Variants in TRAPPC8 observed in about 807,000 individuals in gnomAD.
TRAPPC8 encodes trafficking protein particle complex subunit 8.
Under a neutral mutation model 174.3 loss-of-function variants are expected in TRAPPC8, and 54 were observed. That is an observed-to-expected ratio of 0.31 (90% CI 0.25 to 0.39). TRAPPC8 has a LOEUF of 0.39. Ranked by LOEUF, TRAPPC8 falls within the 10% of genes least tolerant of loss-of-function variation. The probability of loss-of-function intolerance (pLI) is 1.00; values close to 1 mark genes in which losing one functional copy is unlikely to be tolerated. For missense variants in TRAPPC8, 1,531 were observed against 1,699.1 expected (o/e 0.90, Z 1.74); for synonymous variants, 630 against 579.9 (o/e 1.09, Z -1.24).
chr18:31,936,594 T>A lies in TRAPPC8; in HGVS notation c.158-5071A>T, dbSNP rs546720570. Among the ~76,000 whole-genome samples, 4 of 152,058 alleles carry A rather than the reference T, an allele frequency of 2.6e-5. No individual in the cohort carries two copies. In the South Asian group the frequency reaches 8.3e-4, roughly 32 times the overall value. The stretch of plus-strand genomic sequence containing the variant: ...AACATGGTAGTTAAGATTGATGAAA[T>A]ATTTCCAACTAAAAGAAATTTAAGA... On this transcript the variant is annotated intron_variant, in intron 1 of 28. Coordinates refer to ENST00000283351, the MANE Select transcript of TRAPPC8 (RefSeq NM_014939.5).
At chr18:31,882,041 T>G (rs2035480858) in intron 12 of TRAPPC8, among the ~76,000 whole-genome samples, 1 of 152,138 alleles carries the variant, frequency 6.6e-6, no homozygotes, top group Admixed American at 6.5e-5. Flanking sequence ...GGAAAGGAAT[T>G]TGGAGGTTTC....
chr18:31,876,489 CAA>C (rs71175801), intron 12 of TRAPPC8, among the ~76,000 whole-genome samples: 1,129 of 48,602 alleles, frequency 0.023, 8 homozygotes, highest in Middle Eastern at 0.071. Context: ...GACTCCATCT[CAA>C]AAAAAAAAAA....
intron 2 of TRAPPC8, among the ~76,000 whole-genome samples, chr18:31,928,836 A>G (rs1305586900): frequency 6.6e-6 from 1 of 152,224 alleles, no homozygotes; most frequent in East Asian, 1.9e-4. Flanking sequence ...AAACTTGTTA[A>G]GATCCTGCAA....
intron 21 of TRAPPC8, among the ~76,000 whole-genome samples, chr18:31,854,994 T>A (rs1007490369): frequency 2.2e-5 from 3 of 134,472 alleles, no homozygotes; most frequent in African/African-American, 8.7e-5. Context: ...AAAAGAATAT[T>A]CATTTTTACA....
chr18:31,933,447 G>A (rs2037941596), intron 1 of TRAPPC8, among the ~76,000 whole-genome samples: 1 of 152,084 alleles, frequency 6.6e-6, no homozygotes, highest in African/African-American at 2.4e-5. Context: ...TTCTTCATCT[G>A]CACATGTGAT....
chr18:31,900,551 C>A (rs1033205111), intron 10 of TRAPPC8, among the ~76,000 whole-genome samples: 1 of 152,156 alleles, frequency 6.6e-6, no homozygotes, highest in African/African-American at 2.4e-5. Flanking sequence ...TGAGTTCTCA[C>A]TTTTATAGGG....
At chr18:31,893,685 A>G in intron 11 of TRAPPC8, among the ~76,000 whole-genome samples, 1 of 152,248 alleles carries the variant, frequency 6.6e-6, no homozygotes, top group South Asian at 2.1e-4. Flanking sequence ...TTTAATAGCC[A>G]TATTTTAATA....
intron 12 of TRAPPC8, among the ~76,000 whole-genome samples, chr18:31,884,809 C>T (rs2035624811): frequency 6.6e-6 from 1 of 151,858 alleles, no homozygotes; most frequent in Admixed American, 6.6e-5. Flanking sequence ...GAGTTTGAGA[C>T]CACGCTGGGC....
intron 9 of TRAPPC8, among the ~76,000 whole-genome samples, chr18:31,904,129 T>G (rs1193537191): frequency 1.3e-5 from 2 of 150,024 alleles, no homozygotes; most frequent in African/African-American, 4.9e-5. Context: ...CCAGCTACTG[T>G]GGGGGGCTGA....
At chr18:31,855,930 CATAGAATACAT>C (rs2033982657) in intron 20 of TRAPPC8, 123 bp from the exon 21 acceptor site, 3 of 1,042,456 alleles carry the variant, frequency 2.9e-6, no homozygotes, top group Non-Finnish European at 4.0e-6. Context: ...TCTAAAAATC[CATAGAATACAT>C]TAAGTAAAAT....
At chr18:31,913,627 A>C (rs1733250293) in intron 4 of TRAPPC8, 105 bp from the exon 5 acceptor site, 3 of 885,744 alleles carry the variant, frequency 3.4e-6, no homozygotes, top group South Asian at 2.4e-5. Context: ...ATCCCCCAAA[A>C]AGGCATATTT....
rs34167680 is a variant in TRAPPC8, at chr18:31,855,815, TAAAAAA to T, written c.3189-14_3189-9del. The T allele has an allele frequency of 2.0e-6, 3 of 1,494,982 alleles. No individual in the cohort carries two copies. Among genetic ancestry groups the T allele is most frequent in the South Asian group, 2.6e-5 (2 of 78,182 alleles). The allele number at this position is 1,494,982 out of a possible 1,614,324, so 92.6% of individuals were successfully genotyped here. On this transcript the variant is annotated splice_polypyrimidine_tract_variant and intron_variant, in intron 20 of 28. Coordinates refer to ENST00000283351, the MANE Select transcript of TRAPPC8 (RefSeq NM_014939.5). The stretch of plus-strand genomic sequence containing the variant: ...TGTCTTAATATTCTGTGCCTGAAGT[TAAAAAA>T]AAAAAAAAAAGCACATTTAAGCACA...
At chr18:31,911,435 A>T (rs1431212554) in intron 5 of TRAPPC8, among the ~76,000 whole-genome samples, 5 of 147,700 alleles carry the variant, frequency 3.4e-5, no homozygotes, top group African/African-American at 1.3e-4. Context: ...TGGGCAACAG[A>T]GTGAGACTCC....
chr18:31,924,558 C>T (rs2037531100), intron 2 of TRAPPC8, among the ~76,000 whole-genome samples: 1 of 150,124 alleles, frequency 6.7e-6, no homozygotes, highest in African/African-American at 2.5e-5. Context: ...TCCAGGAGTT[C>T]AAGACCAGCC....
chr18:31,890,408 G>A (rs777754738), intron 12 of TRAPPC8, among the ~76,000 whole-genome samples: 2 of 152,058 alleles, frequency 1.3e-5, no homozygotes, highest in African/African-American at 4.8e-5. Context: ...GCTGAAATAG[G>A]GAGAATGCAT....
Position 31,907,545 on chromosome 18 carries a change from T to C in TRAPPC8, c.1304A>G (p.His435Arg), listed in dbSNP as rs777152991. 1.9e-6 allele frequency: 3 copies of C among 1,611,858 alleles called. No individual in the cohort carries two copies. The highest frequency in any genetic ancestry group is 2.5e-6 in the Non-Finnish European group (3 of 1,178,680). Residue 435 changes from histidine to arginine, a missense_variant, in exon 9 of 29, where the codon CAT becomes CGT. Transcript: ENST00000283351. Reference sequence around the variant, plus strand: ...ATAGCAACTGTAAGCCAAATCATAATGCTGCACCAAAAAACATAAGTCAGC... The same window carrying C: ...ATAGCAACTGTAAGCCAAATCATAACGCTGCACCAAAAAACATAAGTCAGC... ...KMADLCFLVQ[H>R]YDLAYSCYHT...
At chr18:31,915,182 C>CA (rs1197458385) in intron 4 of TRAPPC8, among the ~76,000 whole-genome samples, 2 of 152,182 alleles carry the variant, frequency 1.3e-5, no homozygotes, top group African/African-American at 4.8e-5. Context: ...TGAAATCTAA[C>CA]ATAAGGCCAG....
Position 31,942,721 on chromosome 18 carries a change from G to C in TRAPPC8, c.44C>G (p.Ser15Cys). The C allele has an allele frequency of 6.2e-7, 1 of 1,606,416 alleles. No homozygotes were observed. Among genetic ancestry groups the C allele is most frequent in the Non-Finnish European group, 8.5e-7 (1 of 1,176,730 alleles). The change falls in exon 1 of 29, where the codon TCC (serine) becomes TGC (cysteine). Residue 15 changes from serine (S) to cysteine (C), a missense_variant. Transcript: ENST00000283351. ...VQSVQELIPD[S>C]FVPCVAALCS... ...CAGCGCAGCGACACAGGGGACGAAG[G>C]AGTCCGGGATTAGCTCCTGCACTGA...
intron 12 of TRAPPC8, among the ~76,000 whole-genome samples, chr18:31,882,096 T>C (rs774592553): frequency 6.6e-6 from 1 of 152,180 alleles, no homozygotes; most frequent in African/African-American, 2.4e-5. Context: ...GTAATCCCAT[T>C]ACTAGGTATG....
Sources: gnomAD v4.1 joint callset for allele counts (sites outside exome capture counted in the v4.1 genomes callset) on GRCh38, gnomAD v4.1.1 for gene constraint, MANE v1.5 for transcripts, NCBI Gene and HGNC (gene_info 2026-07-23, HGNC 2026-07-21) for gene names.